The following PDCD10 variants were observed in gnomAD, a reference collection of about 807,000 sequenced individuals.
The protein encoded by PDCD10 is programmed cell death 10, also known as programmed cell death protein 10.
PDCD10 carries 4 observed loss-of-function variants against 29.2 expected under a neutral mutation model. The observed-to-expected ratio is 0.14, with a 90% CI of 0.07 to 0.31. The LOEUF (loss-of-function observed/expected upper bound fraction) is 0.31. PDCD10 is among the 10% of genes least tolerant of loss of function. PDCD10 has a pLI of 1.00. For missense variants in PDCD10, 183 were observed against 257.9 expected (o/e 0.71, Z 1.99); for synonymous variants, 70 against 82.2 (o/e 0.85, Z 0.80).
intron 4 of PDCD10, among the ~76,000 whole-genome samples, chr3:167,699,351 G>A (rs1227634762): frequency 1.3e-5 from 2 of 152,172 alleles, no homozygotes; most frequent in Non-Finnish European, 2.9e-5. Context: ...AACAGATGTT[G>A]AGTATCACTG....
chr3:167,691,931 A>T (rs1720285181), intron 6 of PDCD10, among the ~76,000 whole-genome samples: 1 of 152,206 alleles, frequency 6.6e-6, no homozygotes. Context: ...TAAGTAAATA[A>T]ATGTAAAGTG....
chr3:167,723,177 A>G (rs1281788067), intron 2 of PDCD10, among the ~76,000 whole-genome samples: 1 of 152,216 alleles, frequency 6.6e-6, no homozygotes, highest in African/African-American at 2.4e-5. Flanking sequence ...AATTACTGTC[A>G]ATTTCAACTT....
intron 3 of PDCD10, among the ~76,000 whole-genome samples, chr3:167,708,985 T>C (rs1722269838): frequency 6.6e-6 from 1 of 152,178 alleles, no homozygotes; most frequent in Non-Finnish European, 1.5e-5. Flanking sequence ...AGGAAACAGA[T>C]AAGATTAAAT....
intron 6 of PDCD10, among the ~76,000 whole-genome samples, chr3:167,693,902 G>A (rs757572125): frequency 1.1e-4 from 17 of 152,192 alleles, no homozygotes; most frequent in Non-Finnish European, 2.4e-4. Context: ...GGTGCAGTAA[G>A]TTATGATCAT....
In PDCD10 at chr3:167,703,406, T is replaced by C. The variant is rs546790976; in HGVS notation, c.150+1436A>G. ...AGAATATTAAATCAAAAAAGCTCTA[T>C]TCTAACATACGTAATGTAGATTATT... On this transcript the variant is annotated intron_variant, in intron 4 of 8. Transcript: ENST00000392750. Among the ~76,000 whole-genome samples, 20 of 152,246 alleles carry C rather than the reference T, an allele frequency of 1.3e-4. No individual in the cohort carries two copies. The South Asian group carries it at 3.9e-3, about 30-fold the overall frequency.
At chr3:167,695,852 T>C (rs1187596760) in intron 5 of PDCD10, 130 bp from the exon 6 acceptor site, 1 of 878,300 alleles carries the variant, frequency 1.1e-6, no homozygotes, top group African/African-American at 1.7e-5. Context: ...AAAGACAAGG[T>C]TGCAAAGCAG....
intron 2 of PDCD10, among the ~76,000 whole-genome samples, chr3:167,733,731 T>C (rs930702525): frequency 1.3e-5 from 2 of 152,036 alleles, no homozygotes; most frequent in African/African-American, 2.4e-5. Flanking sequence ...AAAATGAGAG[T>C]AAAAACAGTC....
At chr3:167,707,179 T>C (rs1722059722) in intron 3 of PDCD10, among the ~76,000 whole-genome samples, 1 of 152,232 alleles carries the variant, frequency 6.6e-6, no homozygotes, top group Admixed American at 6.5e-5. Flanking sequence ...TGAACTGATC[T>C]TTAAAAAGTG....
At chr3:167,706,500 T>C (rs1014147036) in intron 3 of PDCD10, among the ~76,000 whole-genome samples, 1 of 152,250 alleles carries the variant, frequency 6.6e-6, no homozygotes, top group Non-Finnish European at 1.5e-5. Context: ...TGATGTTTAC[T>C]GAACTACTAT....
At chr3:167,696,352 A>T (rs1720806903) in intron 5 of PDCD10, among the ~76,000 whole-genome samples, 1 of 152,172 alleles carries the variant, frequency 6.6e-6, no homozygotes, top group African/African-American at 2.4e-5. Context: ...CTACCAATTC[A>T]TCAATATATT....
At chr3:167,701,877 T>G (rs1157235606) in intron 4 of PDCD10, among the ~76,000 whole-genome samples, 1 of 151,866 alleles carries the variant, frequency 6.6e-6, no homozygotes, top group African/African-American at 2.4e-5. Flanking sequence ...ACGGAAATCA[T>G]GAAAGAGATT....
At chr3:167,710,808 G>A (rs1577352172) in intron 3 of PDCD10, among the ~76,000 whole-genome samples, 1 of 152,316 alleles carries the variant, frequency 6.6e-6, no homozygotes, top group East Asian at 1.9e-4. Flanking sequence ...GGTGGCAACA[G>A]GGGTGTCACC....
chr3:167,702,534 A>G (rs890581748), intron 4 of PDCD10, among the ~76,000 whole-genome samples: 1 of 152,194 alleles, frequency 6.6e-6, no homozygotes, highest in Non-Finnish European at 1.5e-5. Context: ...ACTTATACTC[A>G]AATCTTCAAC....
At chr3:167,724,207 C>G (rs1182650996) in intron 2 of PDCD10, among the ~76,000 whole-genome samples, 1 of 152,214 alleles carries the variant, frequency 6.6e-6, no homozygotes, top group Non-Finnish European at 1.5e-5. Flanking sequence ...AGAGGAACAA[C>G]AGAAGCTCTT....
intron 2 of PDCD10, among the ~76,000 whole-genome samples, chr3:167,731,647 A>G (rs993182077): frequency 3.3e-5 from 5 of 152,222 alleles, no homozygotes; most frequent in African/African-American, 1.2e-4. Context: ...TGTGCCAGGT[A>G]CTGCGTAAGT....
chr3:167,721,145 CA>C (rs1369109145), intron 2 of PDCD10, among the ~76,000 whole-genome samples: 4 of 152,014 alleles, frequency 2.6e-5, no homozygotes, highest in Admixed American at 6.6e-5. Flanking sequence ...ATATATTAAA[CA>C]AAAAGCCATT....
chr3:167,712,998 A>G (rs541326357), intron 3 of PDCD10, among the ~76,000 whole-genome samples: 270 of 152,218 alleles, frequency 1.8e-3, no homozygotes, highest in Non-Finnish European at 3.1e-3. Flanking sequence ...GCAAAATACA[A>G]TAATAGCTGG....
At chr3:167,703,916 ACTTT>A (rs1721697144) in intron 4 of PDCD10, among the ~76,000 whole-genome samples, 1 of 152,198 alleles carries the variant, frequency 6.6e-6, no homozygotes, top group East Asian at 1.9e-4. Flanking sequence ...AAGCTAGTTT[ACTTT>A]CTTTTTCTTA....
intron 3 of PDCD10, among the ~76,000 whole-genome samples, chr3:167,710,125 T>C (rs1443275834): frequency 2.0e-5 from 3 of 152,140 alleles, no homozygotes; most frequent in Non-Finnish European, 4.4e-5. Flanking sequence ...GATTCAGACA[T>C]GCTGGTTTCA....
Sources: allele counts gnomAD v4.1 joint callset (sites outside exome capture counted in the v4.1 genomes callset), GRCh38; gene constraint gnomAD v4.1.1; transcripts MANE v1.5; gene names NCBI Gene and HGNC (gene_info 2026-07-23, HGNC 2026-07-21).